Variants in OPRPN observed in about 807,000 individuals in gnomAD.
OPRPN encodes the protein basic proline-rich lacrimal protein.
In OPRPN, 1 loss-of-function variant was observed where a neutral mutation model predicts 2.2. The ratio of observed to expected loss-of-function variants is 0.45; its 90% CI spans 0.16 to 2.15. OPRPN has a LOEUF of 2.15. OPRPN is among the 30% of genes most tolerant of loss of function. The pLI, the probability that OPRPN is intolerant of heterozygous loss-of-function variation, is 0.28. For synonymous variants in OPRPN, 126 were observed against 111.5 expected, an observed-to-expected ratio of 1.13 and a Z score of -0.82; for missense variants, 306 against 297.3, an observed-to-expected ratio of 1.03 and a Z score of -0.21.
chr4:70,405,812 C>T (rs1733076170), intron 2 of OPRPN, among the ~76,000 whole-genome samples: 2 of 151,970 alleles, frequency 1.3e-5, no homozygotes, highest in Admixed American at 1.3e-4. Flanking sequence ...ACCTGTAATC[C>T]CCGCATTTTG....
intron 2 of OPRPN, among the ~76,000 whole-genome samples, chr4:70,403,874 G>A (rs1341657105): frequency 6.6e-6 from 1 of 151,850 alleles, no homozygotes; most frequent in African/African-American, 2.4e-5. Flanking sequence ...TCTCCCCTAA[G>A]CAAGGAGATT....
intron 2 of OPRPN, among the ~76,000 whole-genome samples, chr4:70,404,662 A>G (rs986763764): frequency 2.6e-5 from 4 of 152,212 alleles, no homozygotes; most frequent in African/African-American, 7.2e-5. Context: ...ATGTTTTTCC[A>G]AAGTAAATAT....
At chr4:70,408,673 G>A (rs1733141065) in intron 2 of OPRPN, among the ~76,000 whole-genome samples, 1 of 152,150 alleles carries the variant, frequency 6.6e-6, no homozygotes, top group African/African-American at 2.4e-5. Flanking sequence ...AGAACCAGTT[G>A]AGGAGTGAGC....
chr4:70,402,761 G>T (rs1034700181), intron 2 of OPRPN, among the ~76,000 whole-genome samples: 9 of 152,040 alleles, frequency 5.9e-5, no homozygotes, highest in Middle Eastern at 3.4e-3. Flanking sequence ...TGAAGTGGGT[G>T]AAAAAGCCAA....
intron 2 of OPRPN, among the ~76,000 whole-genome samples, chr4:70,406,035 G>GC: frequency 6.6e-6 from 1 of 151,940 alleles, no homozygotes; most frequent in Admixed American, 6.6e-5. Flanking sequence ...ACCACTGCAC[G>GC]CCAGCCTGGG....
chr4:70,408,864 T>C (rs1733146481), intron 2 of OPRPN, among the ~76,000 whole-genome samples: 1 of 152,242 alleles, frequency 6.6e-6, no homozygotes, highest in Non-Finnish European at 1.5e-5. Flanking sequence ...TATCTTCCAC[T>C]GATTTCAGAC....
chr4:70,410,105 C>G lies in OPRPN; in HGVS notation c.*30C>G, dbSNP rs760803822. 2.1e-6 allele frequency: 3 copies of G among 1,453,724 alleles called. No individual in the cohort carries two copies. In the African/African-American group the frequency reaches 4.3e-5, roughly 21 times the overall value. 90.1% of individuals were successfully genotyped at this position (1,453,724 alleles called of 1,614,324 possible). Reference sequence around the variant, plus strand: ...GCAATAAATGATATTTTCCAAACTGCTCTGATATCTTAGAAGAAATAAACT... The same window carrying G: ...GCAATAAATGATATTTTCCAAACTGGTCTGATATCTTAGAAGAAATAAACT... On this transcript the variant is annotated 3_prime_UTR_variant, in exon 3 of 3. Transcript: ENST00000399575.
rs142922138 is a variant in OPRPN at position 70,399,446 on chromosome 4, G to T, written c.51+110G>T. The T allele has an allele frequency of 3.0e-4, 266 of 896,302 alleles. No individual in the cohort carries two copies. The African/African-American group carries it at 4.2e-3, about 14-fold the overall frequency. The allele number at this position is 896,302 out of a possible 1,614,324, so 55.5% of individuals were successfully genotyped here. A position where few individuals can be genotyped will look rare whatever the true frequency, so the allele number is the denominator to read the frequency against. Reference sequence around the variant, plus strand: ...CCTGTATATAAAAATACAGTGTCAGGCTGTTGATAATTATGGACTTGCTCT... The same window carrying T: ...CCTGTATATAAAAATACAGTGTCAGTCTGTTGATAATTATGGACTTGCTCT... On this transcript the variant is annotated intron_variant, in intron 2 of 2. Coordinates refer to ENST00000399575, the MANE Select transcript of OPRPN (RefSeq NM_021225.5).
At chr4:70,400,797 T>G (rs952250253) in intron 2 of OPRPN, among the ~76,000 whole-genome samples, 1 of 152,010 alleles carries the variant, frequency 6.6e-6, no homozygotes, top group African/African-American at 2.4e-5. Context: ...AATAAACCAC[T>G]TTTTTGGTAG....
intron 2 of OPRPN, among the ~76,000 whole-genome samples, chr4:70,401,304 C>T (rs1732980165): frequency 6.6e-6 from 1 of 152,022 alleles, no homozygotes; most frequent in African/African-American, 2.4e-5. Flanking sequence ...TTTAAGGTCA[C>T]TCTAGCAAAA....
chr4:70,402,889 G>C (rs1218596989), intron 2 of OPRPN, among the ~76,000 whole-genome samples: 1 of 152,044 alleles, frequency 6.6e-6, no homozygotes, highest in African/African-American at 2.4e-5. Context: ...AGAGGAGCAG[G>C]AGGTGATACT....
intron 2 of OPRPN, among the ~76,000 whole-genome samples, chr4:70,405,094 C>T (rs1225563352): frequency 1.3e-5 from 2 of 152,018 alleles, no homozygotes; most frequent in East Asian, 1.9e-4. Context: ...TATTATTATC[C>T]TCTCTTAACA....
chr4:70,399,777 G>T (rs1420766248), intron 2 of OPRPN, among the ~76,000 whole-genome samples: 1 of 151,912 alleles, frequency 6.6e-6, no homozygotes, highest in East Asian at 1.9e-4. Context: ...ATTGCTGATT[G>T]TACAATAGTT....
chr4:70,406,562 G>A (rs1733093101), intron 2 of OPRPN, among the ~76,000 whole-genome samples: 2 of 152,116 alleles, frequency 1.3e-5, no homozygotes. Context: ...TAAACATTTT[G>A]AAGGAAGAGC....
intron 2 of OPRPN, among the ~76,000 whole-genome samples, chr4:70,400,578 G>A (rs1210750644): frequency 6.6e-6 from 1 of 151,750 alleles, no homozygotes; most frequent in Non-Finnish European, 1.5e-5. Context: ...CTTGGGGCCT[G>A]GAAACCTGCA....
At position 70,408,735 on chromosome 4, in the gene OPRPN, G is replaced by T. The variant is rs1733142245; in HGVS notation, c.52-645G>T. On this transcript the variant is annotated intron_variant, in intron 2 of 2. Coordinates refer to ENST00000399575, the MANE Select transcript of OPRPN (RefSeq NM_021225.5). ...GTCACCCAGCTAGCATTTAACAATG[G>T]TAGGACTGGCTCTAGGAGGCTCTAG... Among the ~76,000 whole-genome samples, 3 of 152,260 alleles carry T rather than the reference G, an allele frequency of 2.0e-5. No homozygotes were observed. In the South Asian group the frequency reaches 6.2e-4, roughly 32 times the overall value.
In OPRPN at chr4:70,404,328, A is replaced by G. The variant is rs1733042625; in HGVS notation, c.51+4992A>G. 2.6e-5 allele frequency among the ~76,000 whole-genome samples: 4 copies of G among 152,048 alleles called. No homozygotes were observed. The South Asian group carries it at 8.3e-4, about 32-fold the overall frequency. The stretch of plus-strand genomic sequence containing the variant: ...CTTGTTGGTCTCCTTCTCCAGACAC[A>G]TCTCCTCTTCCTGATCTCTAAATGT... On this transcript the variant is annotated intron_variant, in intron 2 of 2. Coordinates refer to ENST00000399575, the MANE Select transcript of OPRPN (RefSeq NM_021225.5).
chr4:70,409,906 C>T lies in OPRPN; in HGVS notation c.578C>T (p.Ser193Leu), dbSNP rs1733186690. ...SSTPEPATSI[S>L]AATPAASTEN... ...ACACCAGAGCCTGCCACCTCCATAT[C>T]AGCAGCAACCCCCGCAGCATCTACT... Residue 193 changes from serine (S) to leucine (L), a missense_variant, in exon 3 of 3, where the codon TCA (serine) becomes TTA (leucine). Coordinates refer to ENST00000399575, the MANE Select transcript of OPRPN (RefSeq NM_021225.5). The T allele has an allele frequency of 6.2e-7, 1 of 1,613,906 alleles. No individual in the cohort carries two copies. The highest frequency in any genetic ancestry group is 1.3e-5 in the African/African-American group (1 of 74,880).
rs1159454219 is a variant in OPRPN, at chr4:70,409,419, C to T, written c.91C>T (p.Pro31Ser). Residue 31 changes from proline (P) to serine (S), a missense_variant, in exon 3 of 3, where the codon CCT becomes TCT. Coordinates refer to ENST00000399575, the MANE Select transcript of OPRPN (RefSeq NM_021225.5). ...SQRFSRRPYL[P>S]GQLPPPPLYR... ...AAGATTCTCCAGAAGACCATATCTA[C>T]CTGGCCAGCTGCCACCACCTCCACT... 1 of 1,613,560 alleles carries T rather than the reference C, an allele frequency of 6.2e-7. No homozygotes were observed.
Sources: gnomAD v4.1 joint callset for allele counts (sites outside exome capture counted in the v4.1 genomes callset) on GRCh38, gnomAD v4.1.1 for gene constraint, MANE v1.5 for transcripts, NCBI Gene and HGNC (gene_info 2026-07-23, HGNC 2026-07-21) for gene names.